Variants in FRYL observed in about 807,000 individuals in gnomAD.
The protein encoded by FRYL is FRY like transcription coactivator.
Under a neutral mutation model 351.2 loss-of-function variants are expected in FRYL, and 150 were observed. The observed-to-expected ratio is 0.43, with a 90% CI of 0.37 to 0.49. The LOEUF (loss-of-function observed/expected upper bound fraction) is 0.49. Ranked by LOEUF, FRYL falls within the 20% of genes least tolerant of loss-of-function variation. FRYL has a pLI of 0.00. For synonymous variants in FRYL, 1,153 were observed against 1,257.1 expected, an observed-to-expected ratio of 0.92 and a Z score of 1.75; for missense variants, 3,036 against 3,619.3, an observed-to-expected ratio of 0.84 and a Z score of 4.13.
At chr4:48,677,600 G>C (rs1298291003) in intron 3 of FRYL, among the ~76,000 whole-genome samples, 1 of 151,942 alleles carries the variant, frequency 6.6e-6, no homozygotes, top group South Asian at 2.1e-4. Context: ...TAATAGAGAC[G>C]GGGTTTTGCC....
At chr4:48,629,475 C>T (rs1475341694) in intron 4 of FRYL, among the ~76,000 whole-genome samples, 11 of 152,186 alleles carry the variant, frequency 7.2e-5, no homozygotes, top group Non-Finnish European at 1.5e-4. Flanking sequence ...CAGTCATTCA[C>T]TCATTTGTCC....
rs143947580 is a variant in FRYL, at chr4:48,636,098, T to C, written c.-80-1608A>G. Among the ~76,000 whole-genome samples, 577 of 152,272 alleles carry C rather than the reference T, an allele frequency of 3.8e-3. 12 individuals are homozygous for C. Among genetic ancestry groups the C allele is most frequent in the Admixed American group, 0.026 (401 of 15,278 alleles). On this transcript the variant is annotated intron_variant, in intron 3 of 63. Coordinates refer to ENST00000358350, the MANE Select transcript of FRYL (RefSeq NM_015030.2). ...AGTTAAAATACATTATGTACTGTAT[T>C]CTAGAACGAAAATTATATAACTCAA...
intron 3 of FRYL, among the ~76,000 whole-genome samples, chr4:48,677,730 T>C (rs942901230): frequency 1.3e-5 from 2 of 152,210 alleles, no homozygotes; most frequent in Admixed American, 1.3e-4. Flanking sequence ...ACTTTTTAAA[T>C]ATTGAATTAG....
Position 48,595,578 on chromosome 4 carries a change from T to G in FRYL, c.1248+12A>C. 1.4e-6 allele frequency: 2 copies of G among 1,465,330 alleles called. No individual in the cohort carries two copies. Among genetic ancestry groups the G allele is most frequent in the East Asian group, 2.3e-5 (1 of 43,902 alleles). The allele number at this position is 1,465,330 out of a possible 1,614,324, so 90.8% of individuals were successfully genotyped here. A position where few individuals can be genotyped will look rare whatever the true frequency, so the allele number is the denominator to read the frequency against. ...ATTTATATACATACATACTATGAGATGAAGCACTCACCTGAGCAATGAACT... is the reference window on the plus strand; with the variant it reads ...ATTTATATACATACATACTATGAGAGGAAGCACTCACCTGAGCAATGAACT... On this transcript the variant is annotated intron_variant, in intron 15 of 63. Coordinates refer to ENST00000358350, the MANE Select transcript of FRYL (RefSeq NM_015030.2).
At chr4:48,654,326 A>C (rs528333241) in intron 3 of FRYL, among the ~76,000 whole-genome samples, 1 of 151,928 alleles carries the variant, frequency 6.6e-6, no homozygotes, top group South Asian at 2.1e-4. Context: ...AAAAACAAAA[A>C]CAAAAAAAAC....
chr4:48,734,337 T>C (rs1771053978), intron 1 of FRYL, among the ~76,000 whole-genome samples: 1 of 152,148 alleles, frequency 6.6e-6, no homozygotes, highest in Non-Finnish European at 1.5e-5. Flanking sequence ...TAATGATAAA[T>C]GGCCAATTAT....
intron 4 of FRYL, among the ~76,000 whole-genome samples, chr4:48,630,544 G>C (rs904273613): frequency 1.3e-5 from 2 of 152,032 alleles, no homozygotes; most frequent in Non-Finnish European, 2.9e-5. Context: ...ATATACCTAG[G>C]TTATTACCGA....
intron 53 of FRYL, among the ~76,000 whole-genome samples, chr4:48,525,189 A>ATATATATATATATATATATG: frequency 8.1e-6 from 1 of 122,876 alleles, no homozygotes; most frequent in African/African-American, 2.8e-5. Flanking sequence ...ATATATATAT[A>ATATATATATATATATATATG]TATATATACA....
At chr4:48,570,704 G>C (rs1738103469) in intron 27 of FRYL, 123 bp downstream of exon 27, 2 of 629,734 alleles carry the variant, frequency 3.2e-6, no homozygotes, top group Non-Finnish European at 5.6e-6. Context: ...AATTTTCACA[G>C]TGATACATAC....
At chr4:48,566,110 C>CT (rs1453952890) in intron 28 of FRYL, among the ~76,000 whole-genome samples, 5 of 152,220 alleles carry the variant, frequency 3.3e-5, no homozygotes, top group African/African-American at 9.6e-5. Context: ...TGTTTTCAAA[C>CT]TTTCTATTTT....
intron 13 of FRYL, among the ~76,000 whole-genome samples, chr4:48,598,190 C>A (rs1282849467): frequency 6.6e-6 from 1 of 152,074 alleles, no homozygotes; most frequent in African/African-American, 2.4e-5. Flanking sequence ...GCTAGTCAGA[C>A]CCTCTCTCTG....
At chr4:48,778,718 T>G (rs1163337685) in intron 1 of FRYL, among the ~76,000 whole-genome samples, 1 of 152,246 alleles carries the variant, frequency 6.6e-6, no homozygotes, top group African/African-American at 2.4e-5. Flanking sequence ...TAAAAGCTGT[T>G]GGTACTAATT....
At chr4:48,620,492 C>T (rs1216544540) in intron 6 of FRYL, 147 bp downstream of exon 6, 10 of 763,274 alleles carry the variant, frequency 1.3e-5, no homozygotes, top group Non-Finnish European at 1.9e-5. Context: ...TGTGAACTAT[C>T]CTTCTCCCTT....
chr4:48,757,461 A>G (rs1489395867), intron 1 of FRYL, among the ~76,000 whole-genome samples: 5 of 151,882 alleles, frequency 3.3e-5, no homozygotes, highest in Admixed American at 6.6e-5. Context: ...CAAACAGAGA[A>G]CCAAATCATG....
chr4:48,622,863 C>T lies in FRYL; in HGVS notation c.174+263G>A, dbSNP rs554792837. Among the ~76,000 whole-genome samples, 10 of 151,904 alleles carry T rather than the reference C, an allele frequency of 6.6e-5. No homozygotes were observed. In the East Asian group the frequency reaches 1.9e-3, roughly 29 times the overall value. Reference sequence around the variant, plus strand: ...GTGGCAATTGATACAGAAGGAAAGACTGAGGGATGTAACTGAAAATGAAAA... The same window carrying T: ...GTGGCAATTGATACAGAAGGAAAGATTGAGGGATGTAACTGAAAATGAAAA... On this transcript the variant is annotated intron_variant, in intron 5 of 63. Transcript: ENST00000358350.
At chr4:48,667,848 A>T (rs1234342101) in intron 3 of FRYL, among the ~76,000 whole-genome samples, 1 of 152,124 alleles carries the variant, frequency 6.6e-6, no homozygotes, top group Non-Finnish European at 1.5e-5. Context: ...GGATTTCACC[A>T]TGTTGGCCAT....
At chr4:48,586,574 G>T in intron 19 of FRYL, 47 bp downstream of exon 19, 1 of 1,213,656 alleles carries the variant, frequency 8.2e-7, no homozygotes, top group Non-Finnish European at 1.2e-6. Context: ...GAAATATAAA[G>T]GAGCAGAAGA....
intron 18 of FRYL, among the ~76,000 whole-genome samples, chr4:48,587,783 G>C (rs1458188253): frequency 6.6e-6 from 1 of 152,158 alleles, no homozygotes; most frequent in Non-Finnish European, 1.5e-5. Context: ...GACCTCAGGT[G>C]ATACATACGC....
At chr4:48,646,159 AATTC>A (rs1339088413) in intron 3 of FRYL, 3 of 152,226 alleles carry the variant, frequency 2.0e-5, no homozygotes, top group Non-Finnish European at 2.9e-5. Context: ...GGATATTAAT[AATTC>A]ATTCCTCATT....
Sources: allele counts gnomAD v4.1 joint callset (sites outside exome capture counted in the v4.1 genomes callset), GRCh38; gene constraint gnomAD v4.1.1; transcripts MANE v1.5; gene names NCBI Gene and HGNC (gene_info 2026-07-23, HGNC 2026-07-21).